The following STON2 variants were observed in gnomAD, a reference collection of about 807,000 sequenced individuals.
The protein encoded by STON2 is stonin-2.
Under a neutral mutation model 65.7 loss-of-function variants are expected in STON2, and 29 were observed. The ratio of observed to expected loss-of-function variants is 0.44; its 90% CI spans 0.33 to 0.60. STON2 has a LOEUF of 0.60. STON2 is among the 20% of genes least tolerant of loss of function. STON2 has a pLI of 0.03. For missense variants in STON2, 1,054 were observed against 1,118.1 expected (o/e 0.94, Z 0.82); for synonymous variants, 404 against 414.2 (o/e 0.98, Z 0.30).
chr14:81,329,432 G>A (rs566228120), intron 4 of STON2, among the ~76,000 whole-genome samples: 1 of 147,306 alleles, frequency 6.8e-6, no homozygotes, highest in Admixed American at 6.8e-5. Flanking sequence ...TCCAGCCTGG[G>A]CAACAGAGCT....
rs542254588 is a variant in STON2 at position 81,421,648 on chromosome 14, T to C, written c.-199+5454A>G. ...TGAGATTGTGGAAGTAAAGATGCAG[T>C]AGGTGGATGAAAAAAACCTTTGGAA... On this transcript the variant is annotated intron_variant, in intron 2 of 8. Transcript: ENST00000553821. Among the ~76,000 whole-genome samples the C allele has an allele frequency of 3.9e-5, 6 of 152,234 alleles. No homozygotes were observed. In the East Asian group the frequency reaches 1.2e-3, roughly 29 times the overall value.
intron 5 of STON2, among the ~76,000 whole-genome samples, chr14:81,289,825 C>T (rs1330612108): frequency 2.0e-5 from 3 of 152,138 alleles, no homozygotes; most frequent in Non-Finnish European, 4.4e-5. Context: ...TTCATCCATC[C>T]GTCCGTTGGC....
rs1894394840 is a variant in STON2 at position 81,267,321 on chromosome 14, T to A, written c.*1093A>T. The A allele has an allele frequency of 3.0e-6, 3 of 985,302 alleles. No homozygotes were observed. The highest frequency in any genetic ancestry group is 3.6e-6 in the Non-Finnish European group (3 of 829,810). 61.0% of individuals were successfully genotyped at this position (985,302 alleles called of 1,614,324 possible). A position where few individuals can be genotyped will look rare whatever the true frequency, so the allele number is the denominator to read the frequency against. ...CTTTTCCACGTCTCTACCCTAGAGA[T>A]GCCTTTTCAATCCAATCCAATACTG... is the stretch of plus-strand genomic sequence containing the variant. On this transcript the variant is annotated 3_prime_UTR_variant, in exon 8 of 8. Coordinates refer to ENST00000614646, the MANE Select transcript of STON2 (RefSeq NM_001394390.1).
At chr14:81,402,036 T>C (rs1349926121), upstream of STON2, among the ~76,000 whole-genome samples, 2 of 152,162 alleles carry the variant, frequency 1.3e-5, no homozygotes, top group East Asian at 3.9e-4. Flanking sequence ...TGTTTCTGTC[T>C]GAACAAGCCT....
chr14:81,375,472 A>G (rs973585470), intron 3 of STON2, among the ~76,000 whole-genome samples: 1 of 152,098 alleles, frequency 6.6e-6, no homozygotes, highest in Non-Finnish European at 1.5e-5. Flanking sequence ...GATAAAAAGT[A>G]CAATTCATCA....
At chr14:81,430,775 T>C (rs1902196123) in intron 1 of STON2, among the ~76,000 whole-genome samples, 2 of 152,164 alleles carry the variant, frequency 1.3e-5, no homozygotes, top group Admixed American at 1.3e-4. Context: ...AACTAGATAA[T>C]AGAAGATAAT....
rs181281199 is a variant in STON2 at position 81,311,409 on chromosome 14, A to G, written c.742+12608T>C. Among the ~76,000 whole-genome samples the G allele has an allele frequency of 2.6e-5, 4 of 152,280 alleles. No individual in the cohort carries two copies. The East Asian group carries it at 7.7e-4, about 29-fold the overall frequency. On this transcript the variant is annotated intron_variant, in intron 5 of 7. Transcript: ENST00000614646. Reference sequence around the variant, plus strand: ...TCACAAGGGGTGTTTCTAATTTGAGAAGGGTAAAGGAGAAAAGAAAAGGCT... The same window carrying G: ...TCACAAGGGGTGTTTCTAATTTGAGGAGGGTAAAGGAGAAAAGAAAAGGCT...
intron 5 of STON2, among the ~76,000 whole-genome samples, chr14:81,310,857 T>A (rs564344155): frequency 5.9e-5 from 9 of 152,318 alleles, no homozygotes; most frequent in African/African-American, 2.2e-4. Context: ...GTTTGATATT[T>A]GACCTTTGAC....
chr14:81,310,224 CAT>C (rs1414806660), intron 5 of STON2, among the ~76,000 whole-genome samples: 1 of 152,122 alleles, frequency 6.6e-6, no homozygotes, highest in Non-Finnish European at 1.5e-5. Context: ...AAATAAAAGA[CAT>C]AGTAAAATAA....
At position 81,265,589 on chromosome 14, in the gene STON2, G is replaced by A; in HGVS notation, c.*2825C>T. 2 of 377,852 alleles carry A rather than the reference G, an allele frequency of 5.3e-6. No individual in the cohort carries two copies. Among genetic ancestry groups the A allele is most frequent in the Non-Finnish European group, 7.3e-6 (2 of 274,934 alleles). 23.4% of individuals were successfully genotyped at this position (377,852 alleles called of 1,614,324 possible). A position where few individuals can be genotyped will look rare whatever the true frequency, so the allele number is the denominator to read the frequency against. On this transcript the variant is annotated 3_prime_UTR_variant, in exon 8 of 8. Coordinates refer to ENST00000614646, the MANE Select transcript of STON2 (RefSeq NM_001394390.1). Reference sequence around the variant, plus strand: ...AGATTTGGGAGGCAGAGGTTGCAATGAGCCGAGATCACGCCATTGCACTCC... The same window carrying A: ...AGATTTGGGAGGCAGAGGTTGCAATAAGCCGAGATCACGCCATTGCACTCC...
chr14:81,379,771 T>C (rs9323701), intron 3 of STON2, among the ~76,000 whole-genome samples: 85,519 of 152,016 alleles, frequency 0.56, 25,773 homozygotes, highest in African/African-American at 0.77. Context: ...ATAAATGGTG[T>C]TGAGAAAACT....
In STON2 at chr14:81,277,805, G is replaced by T. The variant is rs375509500; in HGVS notation, c.1677C>A (p.Asp559Glu). ...ENGRIHSLRI[D>E]RVTYKEKKKY... is the part of the protein sequence containing the mutation. ...TCTTCTTCTCTTTATAGGTGACACG[G>T]TCTATCCGCAAGCTGTGGATTCTGC... Residue 559 changes from aspartate (D) to glutamate (E), a missense_variant, in exon 6 of 8, where the codon GAC becomes GAA. Coordinates refer to ENST00000614646, the MANE Select transcript of STON2 (RefSeq NM_001394390.1). 1.7e-5 allele frequency: 27 copies of T among 1,614,004 alleles called. No individual in the cohort carries two copies. In the African/African-American group the frequency reaches 3.3e-4, roughly 20 times the overall value.
intron 4 of STON2, among the ~76,000 whole-genome samples, chr14:81,350,275 A>C (rs1433838026): frequency 6.6e-6 from 1 of 152,176 alleles, no homozygotes; most frequent in Non-Finnish European, 1.5e-5. Context: ...TAACTTGATT[A>C]TTATACACTG....
chr14:81,348,673 C>G (rs773408500), intron 4 of STON2, among the ~76,000 whole-genome samples: 16 of 152,038 alleles, frequency 1.1e-4, no homozygotes, highest in Non-Finnish European at 1.5e-5. Context: ...ACCACACTAC[C>G]CAAAGCAATC....
chr14:81,429,820 C>T lies in STON2; in HGVS notation c.-309-2608G>A, dbSNP rs564425424. Among the ~76,000 whole-genome samples the T allele has an allele frequency of 5.9e-5, 9 of 151,790 alleles. No homozygotes were observed. The South Asian group carries it at 8.3e-4, about 14-fold the overall frequency. ...CGTGATGGTGGGCGCCTGTAATCCC[C>T]GCTACTCGGCAGGCTGAGGCAGGAG... On this transcript the variant is annotated intron_variant, in intron 1 of 8. Transcript: ENST00000553821.
chr14:81,346,660 T>C (rs189968686), intron 4 of STON2, among the ~76,000 whole-genome samples: 98 of 152,324 alleles, frequency 6.4e-4, no homozygotes, highest in African/African-American at 2.0e-3. Flanking sequence ...TTCTCCAGGA[T>C]AGACCCTATG....
intron 4 of STON2, among the ~76,000 whole-genome samples, chr14:81,338,219 G>A (rs1897450835): frequency 6.6e-6 from 1 of 152,196 alleles, no homozygotes; most frequent in Admixed American, 6.5e-5. Flanking sequence ...AACCAACCAT[G>A]TGATGAAAGG....
At chr14:81,333,825 A>G (rs1475443754) in intron 4 of STON2, among the ~76,000 whole-genome samples, 1 of 152,190 alleles carries the variant, frequency 6.6e-6, no homozygotes, top group Non-Finnish European at 1.5e-5. Context: ...CATTTTTGTC[A>G]GGAAGTTAGT....
chr14:81,297,852 A>C (rs746013364), intron 5 of STON2, among the ~76,000 whole-genome samples: 20 of 152,218 alleles, frequency 1.3e-4, no homozygotes, highest in Non-Finnish European at 2.5e-4. Context: ...CAGCCTGACC[A>C]ACATGGAGAA....
Sources: gnomAD v4.1 joint callset for allele counts (sites outside exome capture counted in the v4.1 genomes callset) on GRCh38, gnomAD v4.1.1 for gene constraint, MANE v1.5 for transcripts, NCBI Gene and HGNC (gene_info 2026-07-23, HGNC 2026-07-21) for gene names.